The following MCTP2 variants were observed in gnomAD, a reference collection of about 807,000 sequenced individuals.
The protein encoded by MCTP2 is multiple C2 and transmembrane domain-containing protein 2.
A neutral mutation model predicts 111.6 loss-of-function variants in MCTP2; 132 were observed. The observed-to-expected ratio is 1.18, with a 90% CI of 1.03 to 1.37. MCTP2 has a LOEUF of 1.37. MCTP2 is among the 40% of genes most tolerant of loss of function. The pLI, the probability that MCTP2 is intolerant of heterozygous loss-of-function variation, is 0.00. For synonymous variants in MCTP2, 395 were observed against 387.7 expected (o/e 1.02, Z -0.22); for missense variants, 1,183 against 1,067.9 (o/e 1.11, Z -1.50).
chr15:94,341,955 C>G (rs745825573), intron 7 of MCTP2: 1 of 152,244 alleles, frequency 6.6e-6, no homozygotes, highest in African/African-American at 2.4e-5. Flanking sequence ...TTAGCTTCTT[C>G]TTGATCTTGA....
intron 4 of MCTP2, among the ~76,000 whole-genome samples, chr15:94,316,535 G>A (rs1185972488): frequency 6.6e-6 from 1 of 152,218 alleles, no homozygotes; most frequent in Non-Finnish European, 1.5e-5. Flanking sequence ...AACAAGGATA[G>A]TAAGATTCAC....
chr15:94,397,705 C>T (rs879028745), intron 14 of MCTP2, among the ~76,000 whole-genome samples: 1 of 152,136 alleles, frequency 6.6e-6, no homozygotes, highest in Admixed American at 6.6e-5. Flanking sequence ...GCTGTTTCCC[C>T]CCATGACTTA....
chr15:94,379,775 AAT>A (rs2080008639), intron 12 of MCTP2, among the ~76,000 whole-genome samples: 1 of 146,926 alleles, frequency 6.8e-6, no homozygotes, highest in Non-Finnish European at 1.5e-5. Context: ...TATGATATGT[AAT>A]ATATAATTAT....
chr15:94,477,223 T>C (rs1039915225), intron 22 of MCTP2, among the ~76,000 whole-genome samples: 1 of 152,178 alleles, frequency 6.6e-6, no homozygotes, highest in African/African-American at 2.4e-5. Context: ...TTTGCCCTGA[T>C]TTATCTCCTA....
intron 12 of MCTP2, among the ~76,000 whole-genome samples, chr15:94,373,427 C>A (rs1467651796): frequency 6.6e-6 from 1 of 152,070 alleles, no homozygotes; most frequent in Non-Finnish European, 1.5e-5. Flanking sequence ...AAGCCTAAAT[C>A]TGTGTATATT....
At chr15:94,339,237 C>T (rs951899530) in intron 4 of MCTP2, 53 bp from the exon 5 acceptor site, 28 of 1,372,952 alleles carry the variant, frequency 2.0e-5, no homozygotes, top group Admixed American at 2.0e-4. Context: ...ATGAAAGTCC[C>T]AGGCTTTTAC....
chr15:94,297,384 A>G (rs925199563), intron 1 of MCTP2, among the ~76,000 whole-genome samples: 4 of 152,214 alleles, frequency 2.6e-5, no homozygotes, highest in African/African-American at 9.7e-5. Context: ...CTCAGGCTAC[A>G]TCTCAGAAGC....
At position 94,385,305 on chromosome 15, in the gene MCTP2, G is replaced by A. The variant is rs2080393168; in HGVS notation, c.1686-118G>A. 4 of 617,118 alleles carry A rather than the reference G, an allele frequency of 6.5e-6. No individual in the cohort carries two copies. The Admixed American group carries it at 1.0e-4, about 16-fold the overall frequency. The allele number at this position is 617,118 out of a possible 1,614,324, so 38.2% of individuals were successfully genotyped here. Reference sequence around the variant, plus strand: ...TTTAATTTTTGGAATTTAATTAAATGGTAGGTTTATACTCTAAGGACATAC... The same window carrying A: ...TTTAATTTTTGGAATTTAATTAAATAGTAGGTTTATACTCTAAGGACATAC... On this transcript the variant is annotated intron_variant, in intron 13 of 22. Coordinates refer to ENST00000357742, the MANE Select transcript of MCTP2 (RefSeq NM_001385001.1).
chr15:94,462,556 G>A (rs1017598962), intron 20 of MCTP2, among the ~76,000 whole-genome samples: 2 of 152,296 alleles, frequency 1.3e-5, no homozygotes, highest in Non-Finnish European at 2.9e-5. Flanking sequence ...TAAGTGTTAG[G>A]GGTATTGCTA....
At chr15:94,393,910 C>A (rs921412837) in intron 14 of MCTP2, among the ~76,000 whole-genome samples, 11 of 151,458 alleles carry the variant, frequency 7.3e-5, no homozygotes, top group African/African-American at 2.7e-4. Context: ...ATTAGCTGGG[C>A]GTGGTGGCGT....
chr15:94,467,431 A>G (rs951194017), intron 20 of MCTP2, among the ~76,000 whole-genome samples: 4 of 38,216 alleles, frequency 1.0e-4, no homozygotes, highest in Admixed American at 2.4e-4. Flanking sequence ...ATAATAATCA[A>G]ATATGACCAA....
At chr15:94,457,473 A>C (rs1393009612) in intron 19 of MCTP2, among the ~76,000 whole-genome samples, 1 of 152,182 alleles carries the variant, frequency 6.6e-6, no homozygotes, top group Non-Finnish European at 1.5e-5. Context: ...TTTGCTTCTA[A>C]TGTCATGAGG....
intron 13 of MCTP2, 31 bp downstream of exon 13, chr15:94,384,155 G>T (rs370819843): frequency 2.4e-5 from 36 of 1,496,476 alleles, no homozygotes; most frequent in Non-Finnish European, 3.1e-5. Flanking sequence ...AATTATTTCT[G>T]CTGTGCTTGG....
chr15:94,345,431 A>G (rs1341641815), intron 8 of MCTP2, among the ~76,000 whole-genome samples: 2 of 151,774 alleles, frequency 1.3e-5, no homozygotes, highest in Non-Finnish European at 2.9e-5. Flanking sequence ...TTAAGCTTGG[A>G]TTATTTAGAG....
At chr15:94,416,210 C>G (rs181076684) in intron 17 of MCTP2, among the ~76,000 whole-genome samples, 3 of 152,188 alleles carry the variant, frequency 2.0e-5, no homozygotes, top group Admixed American at 2.0e-4. Flanking sequence ...TGCAAGGATT[C>G]CCTGTAATTC....
At chr15:94,422,221 G>A (rs1349571035) in intron 17 of MCTP2, among the ~76,000 whole-genome samples, 2 of 152,124 alleles carry the variant, frequency 1.3e-5, no homozygotes, top group African/African-American at 2.4e-5. Context: ...ATGGGTCTTG[G>A]GCACGTGAGC....
At chr15:94,477,305 C>T (rs1414737403) in intron 22 of MCTP2, among the ~76,000 whole-genome samples, 2 of 152,170 alleles carry the variant, frequency 1.3e-5, no homozygotes, top group Non-Finnish European at 2.9e-5. Flanking sequence ...TACTGTAATA[C>T]ACAAAGAGGC....
intron 12 of MCTP2, among the ~76,000 whole-genome samples, chr15:94,379,357 A>G (rs1039760795): frequency 6.6e-6 from 1 of 152,156 alleles, no homozygotes; most frequent in Non-Finnish European, 1.5e-5. Flanking sequence ...ATCTGATAGT[A>G]AGGTTTGTAA....
intron 17 of MCTP2, among the ~76,000 whole-genome samples, chr15:94,424,193 T>C (rs369742120): frequency 6.6e-6 from 1 of 152,246 alleles, no homozygotes; most frequent in African/African-American, 2.4e-5. Context: ...TTTTTGATAT[T>C]CATCTATGTA....
Sources: allele counts gnomAD v4.1 joint callset (sites outside exome capture counted in the v4.1 genomes callset), GRCh38; gene constraint gnomAD v4.1.1; transcripts MANE v1.5; gene names NCBI Gene and HGNC (gene_info 2026-07-23, HGNC 2026-07-21).